The following PLCL2 variants were observed in gnomAD, a reference collection of about 807,000 sequenced individuals.
PLCL2 encodes the protein phospholipase C like 2.
Under a neutral mutation model 79.6 loss-of-function variants are expected in PLCL2, and 4 were observed. That is an observed-to-expected ratio of 0.05 (90% CI 0.02 to 0.11). The LOEUF (loss-of-function observed/expected upper bound fraction) is 0.11. Among genes scored for constraint, PLCL2 ranks in the 10% least tolerant of loss-of-function variants. The pLI is 1.00. For missense variants in PLCL2, 895 were observed against 1,291.0 expected, an observed-to-expected ratio of 0.69 and a Z score of 4.70; for synonymous variants, 484 against 457.7, an observed-to-expected ratio of 1.06 and a Z score of -0.73.
At chr3:17,035,035 G>T (rs984698718) in intron 3 of PLCL2, among the ~76,000 whole-genome samples, 1 of 152,184 alleles carries the variant, frequency 6.6e-6, no homozygotes, top group Non-Finnish European at 1.5e-5. Flanking sequence ...TGATTCTGGA[G>T]CATCATGCAA....
chr3:16,966,944 C>T (rs1011793626), intron 1 of PLCL2, among the ~76,000 whole-genome samples: 1 of 152,008 alleles, frequency 6.6e-6, no homozygotes, highest in African/African-American at 2.4e-5. Flanking sequence ...CTGAATTAGG[C>T]CCTGGTGCCT....
chr3:16,940,566 A>G (rs570460061), intron 1 of PLCL2, among the ~76,000 whole-genome samples: 29 of 152,326 alleles, frequency 1.9e-4, no homozygotes, highest in Middle Eastern at 3.4e-3. Flanking sequence ...GACAGGCTCA[A>G]TCGTGCACCA....
At chr3:17,026,479 T>C (rs3935970) in intron 3 of PLCL2, among the ~76,000 whole-genome samples, 23,308 of 152,218 alleles carry the variant, frequency 0.15, 2,280 homozygotes, top group Non-Finnish European at 0.2. Context: ...AAATCAATGT[T>C]GATCATTCTA....
At chr3:17,070,784 C>T (rs1362198962) in intron 5 of PLCL2, among the ~76,000 whole-genome samples, 1 of 152,124 alleles carries the variant, frequency 6.6e-6, no homozygotes, top group Non-Finnish European at 1.5e-5. Context: ...GGTGGCAGCG[C>T]TCCAGGCAGA....
chr3:17,020,776 AC>A (rs1369409668), intron 3 of PLCL2, among the ~76,000 whole-genome samples: 1 of 152,204 alleles, frequency 6.6e-6, no homozygotes, highest in Non-Finnish European at 1.5e-5. Flanking sequence ...CTTAAATAAA[AC>A]AAGGTTATTT....
chr3:16,961,731 A>G (rs2063756026), intron 1 of PLCL2, among the ~76,000 whole-genome samples: 1 of 152,222 alleles, frequency 6.6e-6, no homozygotes, highest in Admixed American at 6.5e-5. Context: ...TAGGTGAAGT[A>G]AGAGACAGGC....
chr3:16,895,714 T>C (rs2124917021), intron 1 of PLCL2, among the ~76,000 whole-genome samples: 1 of 152,304 alleles, frequency 6.6e-6, no homozygotes, highest in South Asian at 2.1e-4. Context: ...ACAACTCAAA[T>C]GCCTATCTTA....
At chr3:17,031,641 C>T (rs556556181) in intron 3 of PLCL2, among the ~76,000 whole-genome samples, 1 of 152,220 alleles carries the variant, frequency 6.6e-6, no homozygotes, top group African/African-American at 2.4e-5. Flanking sequence ...TAATGTGAGA[C>T]TATTGTATAA....
chr3:17,056,782 A>G (rs1334456902), intron 4 of PLCL2, among the ~76,000 whole-genome samples: 1 of 152,216 alleles, frequency 6.6e-6, no homozygotes, highest in African/African-American at 2.4e-5. Flanking sequence ...GTAAAACACA[A>G]CCAAGTGAGT....
At chr3:16,902,954 A>C (rs1459392762) in intron 1 of PLCL2, among the ~76,000 whole-genome samples, 1 of 151,664 alleles carries the variant, frequency 6.6e-6, no homozygotes, top group African/African-American at 2.4e-5. Context: ...CTCAACCTTC[A>C]TTAATCTTTG....
intron 3 of PLCL2, among the ~76,000 whole-genome samples, chr3:17,034,264 G>A (rs750515215): frequency 6.6e-6 from 1 of 152,150 alleles, no homozygotes; most frequent in Non-Finnish European, 1.5e-5. Context: ...AGTGTGCCCT[G>A]CGATGGGATG....
intron 1 of PLCL2, among the ~76,000 whole-genome samples, chr3:16,985,430 A>G (rs1208862895): frequency 1.3e-5 from 2 of 152,202 alleles, no homozygotes; most frequent in Non-Finnish European, 2.9e-5. Context: ...TGAAGTTAAC[A>G]GTATACTTGA....
At chr3:16,999,119 A>G (rs1458478800) in intron 1 of PLCL2, among the ~76,000 whole-genome samples, 1 of 152,210 alleles carries the variant, frequency 6.6e-6, no homozygotes, top group Non-Finnish European at 1.5e-5. Context: ...GATCATTTTA[A>G]TTAAATTGAT....
At chr3:17,034,688 A>G (rs1268424438) in intron 3 of PLCL2, among the ~76,000 whole-genome samples, 1 of 152,220 alleles carries the variant, frequency 6.6e-6, no homozygotes, top group Middle Eastern at 3.2e-3. Context: ...TTTATTGAGA[A>G]GTTTGATGAC....
At chr3:17,054,560 T>C (rs1032812873) in intron 4 of PLCL2, among the ~76,000 whole-genome samples, 1 of 152,096 alleles carries the variant, frequency 6.6e-6, no homozygotes, top group Admixed American at 6.6e-5. Flanking sequence ...AGCAGTCATC[T>C]TCACATGGCC....
intron 1 of PLCL2, among the ~76,000 whole-genome samples, chr3:16,968,730 C>CT (rs1336636134): frequency 1.3e-5 from 2 of 152,078 alleles, no homozygotes; most frequent in African/African-American, 4.8e-5. Flanking sequence ...GATAGTTTGA[C>CT]TTTCTCCCTT....
intron 1 of PLCL2, among the ~76,000 whole-genome samples, chr3:16,959,645 T>C (rs2063737523): frequency 6.6e-6 from 1 of 152,128 alleles, no homozygotes; most frequent in Admixed American, 6.5e-5. Context: ...TGGAGAGTTC[T>C]CACAAGCAGC....
At position 17,075,408 on chromosome 3, in the gene PLCL2, TATA is replaced by T. The variant is rs141022345; in HGVS notation, c.3204+7350_3204+7352del. 1.1e-4 allele frequency among the ~76,000 whole-genome samples: 17 copies of T among 152,208 alleles called. No individual in the cohort carries two copies. In the East Asian group the frequency reaches 3.3e-3, roughly 29 times the overall value. On this transcript the variant is annotated intron_variant, in intron 5 of 5. Coordinates refer to ENST00000615277, the MANE Select transcript of PLCL2 (RefSeq NM_001144382.2). ...ACCAATCACAAATCACAATAACTAATATAATAATAGTGAAAAAGTTTGAAATAT... is the reference window on the plus strand; with the variant it reads ...ACCAATCACAAATCACAATAACTAATATAATAGTGAAAAAGTTTGAAATAT...
At chr3:17,042,323 T>A (rs747237514) in intron 3 of PLCL2, among the ~76,000 whole-genome samples, 1 of 152,208 alleles carries the variant, frequency 6.6e-6, no homozygotes, top group Non-Finnish European at 1.5e-5. Flanking sequence ...AATTTGAACA[T>A]TTTAAAAACC....
Sources: allele counts gnomAD v4.1 joint callset (sites outside exome capture counted in the v4.1 genomes callset), GRCh38; gene constraint gnomAD v4.1.1; transcripts MANE v1.5; gene names NCBI Gene and HGNC (gene_info 2026-07-23, HGNC 2026-07-21).